GRIN2A: variants seen among roughly 807,000 people sequenced by gnomAD.
GRIN2A encodes the protein glutamate receptor ionotropic, NMDA 2A.
In GRIN2A, 22 loss-of-function variants were observed where a neutral mutation model predicts 113.4. That is an observed-to-expected ratio of 0.19 (90% CI 0.14 to 0.28). The LOEUF is 0.28. Ranked by LOEUF, GRIN2A falls within the 10% of genes least tolerant of loss-of-function variation. The probability of loss-of-function intolerance (pLI) is 1.00; values close to 1 mark genes in which losing one functional copy is unlikely to be tolerated. For missense variants in GRIN2A, 1,502 were observed against 1,887.0 expected (o/e 0.80, Z 3.78); for synonymous variants, 827 against 738.4 (o/e 1.12, Z -1.94).
chr16:9,830,806 C>G (rs1025090805), intron 8 of GRIN2A, among the ~76,000 whole-genome samples: 1 of 152,206 alleles, frequency 6.6e-6, no homozygotes, highest in African/African-American at 2.4e-5. Context: ...CTCTTATTCT[C>G]AATCTCTCCT....
chr16:10,123,725 T>C (rs1180628224), intron 2 of GRIN2A, among the ~76,000 whole-genome samples: 1 of 152,166 alleles, frequency 6.6e-6, no homozygotes, highest in Non-Finnish European at 1.5e-5. Context: ...ACACTTTGAA[T>C]GATGAGATCT....
At chr16:9,781,098 A>G (rs1470289935) in intron 11 of GRIN2A, among the ~76,000 whole-genome samples, 1 of 152,092 alleles carries the variant, frequency 6.6e-6, no homozygotes, top group Non-Finnish European at 1.5e-5. Flanking sequence ...TAGCACAAAA[A>G]CAGCCATAGA....
At chr16:9,827,232 A>G (rs2042403736) in intron 9 of GRIN2A, among the ~76,000 whole-genome samples, 1 of 152,162 alleles carries the variant, frequency 6.6e-6, no homozygotes, top group Admixed American at 6.5e-5. Flanking sequence ...GGCAGAGAGG[A>G]AACAGGCAGA....
Position 9,819,186 on chromosome 16 carries a change from C to T in GRIN2A, c.2168+3078G>A, listed in dbSNP as rs552550065. Reference sequence around the variant, plus strand: ...TTCACTGTTTTTTTCTTTTTATGTACTTTTTTATTTTTGACGTATATAAAT... The same window carrying T: ...TTCACTGTTTTTTTCTTTTTATGTATTTTTTTATTTTTGACGTATATAAAT... On this transcript the variant is annotated intron_variant, in intron 10 of 12. Coordinates refer to ENST00000330684, the MANE Select transcript of GRIN2A (RefSeq NM_001134407.3). 3.9e-5 allele frequency among the ~76,000 whole-genome samples: 6 copies of T among 152,094 alleles called. No homozygotes were observed. The East Asian group carries it at 1.2e-3, about 29-fold the overall frequency.
At chr16:9,821,092 G>T (rs1462461875) in intron 10 of GRIN2A, among the ~76,000 whole-genome samples, 1 of 151,974 alleles carries the variant, frequency 6.6e-6, no homozygotes, top group Non-Finnish European at 1.5e-5. Context: ...CAGACACAAA[G>T]CCAGCAGCAA....
chr16:9,806,365 T>C (rs1276025261), intron 10 of GRIN2A, among the ~76,000 whole-genome samples: 1 of 152,252 alleles, frequency 6.6e-6, no homozygotes, highest in Admixed American at 6.5e-5. Flanking sequence ...TATGGATTTT[T>C]AGTCAATACC....
chr16:9,774,702 C>G (rs914648071), intron 11 of GRIN2A, among the ~76,000 whole-genome samples: 1 of 152,170 alleles, frequency 6.6e-6, no homozygotes, highest in East Asian at 1.9e-4. Flanking sequence ...GTTTTAATAT[C>G]GAGCAAATGG....
chr16:9,958,675 T>C (rs2045361263), intron 2 of GRIN2A, among the ~76,000 whole-genome samples: 1 of 152,090 alleles, frequency 6.6e-6, no homozygotes, highest in African/African-American at 2.4e-5. Flanking sequence ...GCTTGCTGTG[T>C]ATTAGGTTTC....
chr16:9,839,877 C>T (rs753668754), intron 7 of GRIN2A, among the ~76,000 whole-genome samples: 18 of 152,086 alleles, frequency 1.2e-4, no homozygotes, highest in Non-Finnish European at 2.4e-4. Flanking sequence ...TCTACTCTCA[C>T]GCTGCTATAA....
chr16:10,077,611 G>C (rs1199029583), intron 2 of GRIN2A, among the ~76,000 whole-genome samples: 4 of 152,180 alleles, frequency 2.6e-5, no homozygotes, highest in Non-Finnish European at 5.9e-5. Context: ...CCCTGCAATG[G>C]TGTTTCAGGC....
intron 2 of GRIN2A, among the ~76,000 whole-genome samples, chr16:10,108,038 A>G (rs1347006677): frequency 2.0e-5 from 3 of 152,214 alleles, no homozygotes; most frequent in African/African-American, 7.2e-5. Flanking sequence ...GTTCCTCCCA[A>G]TAATCCCAAG....
At chr16:9,839,842 A>G (rs182445983) in intron 7 of GRIN2A, among the ~76,000 whole-genome samples, 3 of 152,252 alleles carry the variant, frequency 2.0e-5, no homozygotes, top group Admixed American at 2.0e-4. Flanking sequence ...CTGGGGATGG[A>G]GGGGAGTGAA....
chr16:10,120,159 G>T (rs796722912), intron 2 of GRIN2A, among the ~76,000 whole-genome samples: 11 of 152,244 alleles, frequency 7.2e-5, no homozygotes, highest in African/African-American at 2.4e-4. Context: ...TCATCACACT[G>T]CTTTCCACAA....
chr16:10,113,930 A>G (rs2048675667), intron 2 of GRIN2A, among the ~76,000 whole-genome samples: 1 of 152,182 alleles, frequency 6.6e-6, no homozygotes, highest in South Asian at 2.1e-4. Flanking sequence ...TTAGTTGGGC[A>G]TGGTGGCTCA....
At chr16:10,072,076 T>A (rs1040391673) in intron 2 of GRIN2A, among the ~76,000 whole-genome samples, 2 of 152,226 alleles carry the variant, frequency 1.3e-5, no homozygotes, top group African/African-American at 4.8e-5. Context: ...CAGAAAGTGA[T>A]GATACCTCTA....
intron 3 of GRIN2A, chr16:9,937,629 GT>G (rs1272878952): frequency 1.1e-5 from 4 of 360,140 alleles, no homozygotes; most frequent in African/African-American, 8.4e-5. Context: ...ACTTATCTGG[GT>G]TCAAATCTTT....
At chr16:10,147,820 C>G in intron 2 of GRIN2A, among the ~76,000 whole-genome samples, 1 of 152,134 alleles carries the variant, frequency 6.6e-6, no homozygotes, top group Non-Finnish European at 1.5e-5. Flanking sequence ...CCTTTTATAG[C>G]AAAAATGATC....
rs150879081 is a variant in GRIN2A, at chr16:9,759,462, G to T, written c.*3687C>A. ...CTGTGGATCTTTTGACTAATTAACTGCCTTGGCTAGAGTCCCATTTAAGTG... is the reference window on the plus strand; with the variant it reads ...CTGTGGATCTTTTGACTAATTAACTTCCTTGGCTAGAGTCCCATTTAAGTG... On this transcript the variant is annotated 3_prime_UTR_variant, in exon 13 of 13. Transcript: ENST00000330684. 215 of 224,952 alleles carry T rather than the reference G, an allele frequency of 9.6e-4. 1 individual carries two copies. Among genetic ancestry groups the T allele is most frequent in the African/African-American group, 4.4e-3 (198 of 45,002 alleles). The allele number at this position is 224,952 out of a possible 1,614,324, so 13.9% of individuals were successfully genotyped here. A position where few individuals can be genotyped will look rare whatever the true frequency, so the allele number is the denominator to read the frequency against.
At chr16:10,071,444 T>G (rs2047748901) in intron 2 of GRIN2A, among the ~76,000 whole-genome samples, 1 of 152,158 alleles carries the variant, frequency 6.6e-6, no homozygotes, top group African/African-American at 2.4e-5. Flanking sequence ...TGTTAAGAAT[T>G]TGGGCATGTA....
Sources: gnomAD v4.1 joint callset for allele counts (sites outside exome capture counted in the v4.1 genomes callset) on GRCh38, gnomAD v4.1.1 for gene constraint, MANE v1.5 for transcripts, NCBI Gene and HGNC (gene_info 2026-07-23, HGNC 2026-07-21) for gene names.